CAMTA1: variants seen among roughly 807,000 people sequenced by gnomAD.
CAMTA1 encodes calmodulin binding transcription activator 1, also known as calmodulin-binding transcription activator 1.
A neutral mutation model predicts 170.9 loss-of-function variants in CAMTA1; 27 were observed. The ratio of observed to expected loss-of-function variants is 0.16; its 90% CI spans 0.12 to 0.22. The LOEUF (loss-of-function observed/expected upper bound fraction) is 0.22, where lower values mean the gene tolerates loss of function less well. Among genes scored for constraint, CAMTA1 ranks in the 10% least tolerant of loss-of-function variants. The pLI is 1.00. For synonymous variants in CAMTA1, 833 were observed against 891.5 expected, an observed-to-expected ratio of 0.93 and a Z score of 1.17; for missense variants, 1,619 against 2,217.2, an observed-to-expected ratio of 0.73 and a Z score of 5.42.
chr1:7,713,133 CAGAG>C (rs1239296726), intron 11 of CAMTA1, among the ~76,000 whole-genome samples: 2 of 152,158 alleles, frequency 1.3e-5, no homozygotes, highest in African/African-American at 4.8e-5. Context: ...ACTGACCACA[CAGAG>C]TGAGTGAGGG....
chr1:7,137,594 C>T (rs756478229), intron 4 of CAMTA1, among the ~76,000 whole-genome samples: 98 of 152,226 alleles, frequency 6.4e-4, no homozygotes, highest in Non-Finnish European at 1.1e-3. Flanking sequence ...ATGGCTCCCT[C>T]TCTCGCACAA....
intron 1 of CAMTA1, among the ~76,000 whole-genome samples, chr1:6,798,661 A>G (rs1274604911): frequency 3.2e-5 from 4 of 123,454 alleles, no homozygotes; most frequent in African/African-American, 9.8e-5. Flanking sequence ...CAGTGGCGCA[A>G]TCTCGGCTCA....
chr1:6,872,021 G>T, intron 3 of CAMTA1: 1 of 1,134,830 alleles, frequency 8.8e-7, no homozygotes, highest in Non-Finnish European at 1.1e-6. Context: ...TTAAAATAAA[G>T]TGTAATCTGT....
intron 6 of CAMTA1, among the ~76,000 whole-genome samples, chr1:7,637,494 G>A (rs373731023): frequency 6.6e-5 from 10 of 152,210 alleles, no homozygotes; most frequent in East Asian, 1.9e-4. Context: ...GGAAGAACAC[G>A]GGGCAAGGAC....
At chr1:7,310,646 T>TTCTTTC (rs1429082784) in intron 5 of CAMTA1, among the ~76,000 whole-genome samples, 11 of 30,232 alleles carry the variant, frequency 3.6e-4, no homozygotes, top group African/African-American at 1.2e-3. Context: ...CTTTCTTTCT[T>TTCTTTC]TTTTCTTTCT....
chr1:7,498,631 A>G (rs1040051598), intron 6 of CAMTA1, among the ~76,000 whole-genome samples: 1 of 150,972 alleles, frequency 6.6e-6, no homozygotes, highest in African/African-American at 2.5e-5. Context: ...TGTGTGTATG[A>G]GTGTGCATGC....
chr1:6,803,360 CT>C (rs1557583245), intron 1 of CAMTA1, among the ~76,000 whole-genome samples: 2 of 152,198 alleles, frequency 1.3e-5, no homozygotes, highest in South Asian at 2.1e-4. Context: ...GTGTATGTGG[CT>C]GCCTGTGTGC....
intron 5 of CAMTA1, among the ~76,000 whole-genome samples, chr1:7,265,815 A>AC (rs1668835906): frequency 6.6e-6 from 1 of 152,068 alleles, no homozygotes; most frequent in Admixed American, 6.6e-5. Flanking sequence ...GAGGCTGGAG[A>AC]CCTAGATTAC....
At chr1:7,508,522 C>A (rs2149860701) in intron 6 of CAMTA1, among the ~76,000 whole-genome samples, 1 of 152,354 alleles carries the variant, frequency 6.6e-6, no homozygotes, top group South Asian at 2.1e-4. Flanking sequence ...TGCGTGTTGA[C>A]AGGTATGACC....
At position 7,387,526 on chromosome 1, in the gene CAMTA1, C is replaced by A. The variant is rs529858302; in HGVS notation, c.439-80304C>A. On this transcript the variant is annotated intron_variant, in intron 5 of 22. Transcript: ENST00000303635. The stretch of plus-strand genomic sequence containing the variant: ...AAGCAGGGTCCCAGCTGCCCTAGAC[C>A]CCAGCCACTGTCCTGCCAGGGTCCC... Among the ~76,000 whole-genome samples, 74 of 152,296 alleles carry A rather than the reference C, an allele frequency of 4.9e-4. 1 individual carries two copies. The South Asian group carries it at 0.014, about 29-fold the overall frequency.
intron 4 of CAMTA1, among the ~76,000 whole-genome samples, chr1:7,175,875 T>C (rs1650699013): frequency 6.6e-6 from 1 of 152,232 alleles, no homozygotes; most frequent in Non-Finnish European, 1.5e-5. Flanking sequence ...GGCTCTTTCC[T>C]GCCGATTTAC....
chr1:7,558,505 A>T (rs2094911922), intron 6 of CAMTA1, among the ~76,000 whole-genome samples: 1 of 147,978 alleles, frequency 6.8e-6, no homozygotes, highest in Non-Finnish European at 1.5e-5. Context: ...TTCTCCAGGG[A>T]AAAGTCTTAA....
intron 3 of CAMTA1, among the ~76,000 whole-genome samples, chr1:6,915,392 A>AT (rs1316839266): frequency 2.0e-5 from 3 of 152,096 alleles, no homozygotes; most frequent in African/African-American, 7.2e-5. Flanking sequence ...GCATTTTATA[A>AT]TTTCCCTGTC....
intron 3 of CAMTA1, among the ~76,000 whole-genome samples, chr1:6,897,893 G>A (rs1244671886): frequency 4.6e-5 from 7 of 152,202 alleles, no homozygotes; most frequent in Admixed American, 1.3e-4. Context: ...GCCCACAAAC[G>A]TCTTGGTTTT....
chr1:7,392,943 C>A (rs1487266720), intron 5 of CAMTA1, among the ~76,000 whole-genome samples: 1 of 151,782 alleles, frequency 6.6e-6, no homozygotes, highest in African/African-American at 2.4e-5. Flanking sequence ...GTCCCAGCTA[C>A]TTGGGAAGCT....
intron 6 of CAMTA1, among the ~76,000 whole-genome samples, chr1:7,491,681 A>T (rs1396316905): frequency 1.3e-5 from 2 of 152,234 alleles, no homozygotes; most frequent in Non-Finnish European, 2.9e-5. Context: ...ATGGTATTTA[A>T]AATGATTTTT....
intron 5 of CAMTA1, among the ~76,000 whole-genome samples, chr1:7,311,954 A>T (rs756910085): frequency 2.0e-5 from 3 of 152,306 alleles, no homozygotes; most frequent in South Asian, 4.1e-4. Context: ...AGATCCATGC[A>T]TATGCTGCTT....
rs1210060195 is a variant in CAMTA1, at chr1:7,664,954, C to T, written c.2407C>T (p.Leu803Phe). 2 of 1,612,828 alleles carry T rather than the reference C, an allele frequency of 1.2e-6. No individual in the cohort carries two copies. The highest frequency in any genetic ancestry group is 8.5e-7 in the Non-Finnish European group (1 of 1,179,950). Residue 803 changes from leucine (L) to phenylalanine (F), a missense_variant, in exon 9 of 23, where the codon CTC (leucine) becomes TTC (phenylalanine). Transcript: ENST00000303635. ...HQLVSGDSTA[L>F]SQSEDGARAP... ...GCTGGTGTCGGGGGACAGCACGGCG[C>T]TCTCACAGTCAGAGGACGGGGCGCG...
At chr1:7,353,270 C>G (rs1371381025) in intron 5 of CAMTA1, among the ~76,000 whole-genome samples, 1 of 152,192 alleles carries the variant, frequency 6.6e-6, no homozygotes, top group Non-Finnish European at 1.5e-5. Context: ...AATGCTGTCT[C>G]TATACAGAGA....
Sources: gnomAD v4.1 joint callset for allele counts (sites outside exome capture counted in the v4.1 genomes callset) on GRCh38, gnomAD v4.1.1 for gene constraint, MANE v1.5 for transcripts, NCBI Gene and HGNC (gene_info 2026-07-23, HGNC 2026-07-21) for gene names.